The following HIVEP3 variants were observed in gnomAD, a reference collection of about 807,000 sequenced individuals.
HIVEP3 encodes transcription factor HIVEP3.
Under a neutral mutation model 152.8 loss-of-function variants are expected in HIVEP3, and 49 were observed. That is an observed-to-expected ratio of 0.32 (90% CI 0.26 to 0.41). The LOEUF is 0.41. HIVEP3 is among the 10% of genes least tolerant of loss of function. The probability of loss-of-function intolerance (pLI) is 1.00; values close to 1 mark genes in which losing one functional copy is unlikely to be tolerated. For synonymous variants in HIVEP3, 1,269 were observed against 1,289.0 expected (o/e 0.98, Z 0.33); for missense variants, 2,790 against 3,103.3 (o/e 0.90, Z 2.40).
Position 41,962,894 on chromosome 1 carries a change from G to A in HIVEP3, n.120-44370C>T, listed in dbSNP as rs72951203. 7.9e-3 allele frequency among the ~76,000 whole-genome samples: 1,207 copies of A among 152,288 alleles called. 11 individuals are homozygous for A. Among genetic ancestry groups the A allele is most frequent in the African/African-American group, 0.027 (1,113 of 41,548 alleles). On this transcript the variant is annotated intron_variant and non_coding_transcript_variant, in intron 1 of 3. Transcript: ENST00000489103. ...TTTGAACCAGATAATTTTTCATCATGGAGACCCGTCCTGTGCATTGCAGGT... is the reference window on the plus strand; with the variant it reads ...TTTGAACCAGATAATTTTTCATCATAGAGACCCGTCCTGTGCATTGCAGGT...
chr1:41,518,949 G>T (rs1222232923), intron 6 of HIVEP3, among the ~76,000 whole-genome samples: 3 of 152,226 alleles, frequency 2.0e-5, no homozygotes, highest in East Asian at 3.9e-4. Flanking sequence ...GACGGGTGAG[G>T]ACTGAGCATG....
In HIVEP3 at chr1:41,628,957, A is replaced by G. The variant is rs1236029193; in HGVS notation, c.-720-10T>C. 8.1e-7 allele frequency: 1 copy of G among 1,229,686 alleles called. No individual in the cohort carries two copies. The highest frequency in any genetic ancestry group is 4.2e-5 in the Admixed American group (1 of 23,666). The allele number at this position is 1,229,686 out of a possible 1,614,324, so 76.2% of individuals were successfully genotyped here. A position where few individuals can be genotyped will look rare whatever the true frequency, so the allele number is the denominator to read the frequency against. On this transcript the variant is annotated splice_polypyrimidine_tract_variant and intron_variant, in intron 2 of 8. Coordinates refer to ENST00000372583, the MANE Select transcript of HIVEP3 (RefSeq NM_024503.5). ...GTTTGTGCCTCGAATCCTGCAGGAG[A>G]TGATTGAGAAACATGGTCAAAGAAC...
rs1378582306 is a variant in HIVEP3 at position 41,509,748 on chromosome 1, C to T, written c.*703G>A. 1 of 149,546 alleles carries T rather than the reference C, an allele frequency of 6.7e-6. No individual in the cohort carries two copies. The highest frequency in any genetic ancestry group is 2.5e-5 in the African/African-American group (1 of 40,560). The allele number at this position is 149,546 out of a possible 1,614,324, so 9.3% of individuals were successfully genotyped here. On this transcript the variant is annotated 3_prime_UTR_variant, in exon 9 of 9. Coordinates refer to ENST00000372583, the MANE Select transcript of HIVEP3 (RefSeq NM_024503.5). ...AGAGTATCCAGGAGCCCTTGGGGAG[C>T]CAGCCCTCCTCCTTCTACCTGCACC... is the stretch of plus-strand genomic sequence containing the variant.
intron 1 of HIVEP3, among the ~76,000 whole-genome samples, chr1:41,874,260 GA>G (rs1336333508): frequency 2.6e-5 from 4 of 152,196 alleles, no homozygotes; most frequent in Non-Finnish European, 4.4e-5. Context: ...GAGGGGAGAG[GA>G]AATGCATTTA....
At chr1:41,971,761 T>C (rs1333723530) in intron 1 of HIVEP3, among the ~76,000 whole-genome samples, 7 of 152,230 alleles carry the variant, frequency 4.6e-5, no homozygotes, top group Non-Finnish European at 1.0e-4. Flanking sequence ...CCTCCAAAAT[T>C]CATGTTGCAA....
intron 1 of HIVEP3, among the ~76,000 whole-genome samples, chr1:41,943,408 A>G (rs1487976591): frequency 6.6e-6 from 1 of 152,242 alleles, no homozygotes; most frequent in Admixed American, 6.5e-5. Flanking sequence ...TAAATAGAAA[A>G]GAAACAAAGT....
chr1:42,016,577 A>G (rs916175998), intron 1 of HIVEP3, among the ~76,000 whole-genome samples: 2 of 152,094 alleles, frequency 1.3e-5, no homozygotes, highest in Admixed American at 1.3e-4. Context: ...ATTTTTGACT[A>G]TATGTGATCA....
At chr1:41,626,750 C>T (rs1452174636) in intron 3 of HIVEP3, among the ~76,000 whole-genome samples, 10 of 152,084 alleles carry the variant, frequency 6.6e-5, no homozygotes, top group Non-Finnish European at 1.3e-4. Context: ...CCCAGGATGC[C>T]GAGCCAGGGG....
chr1:41,637,294 TACAC>T (rs1645289514), intron 2 of HIVEP3, among the ~76,000 whole-genome samples: 1 of 152,210 alleles, frequency 6.6e-6, no homozygotes, highest in Non-Finnish European at 1.5e-5. Flanking sequence ...TGATGATAAA[TACAC>T]ACAATGGAAT....
At chr1:41,698,913 T>C (rs920269855) in intron 2 of HIVEP3, among the ~76,000 whole-genome samples, 2 of 152,196 alleles carry the variant, frequency 1.3e-5, no homozygotes, top group Admixed American at 6.5e-5. Context: ...GCAAACTTGC[T>C]CTTGTTTGGG....
intron 1 of HIVEP3, among the ~76,000 whole-genome samples, chr1:41,750,651 C>A (rs1396995482): frequency 6.6e-6 from 1 of 151,772 alleles, no homozygotes; most frequent in Non-Finnish European, 1.5e-5. Flanking sequence ...CCTTGAAAAT[C>A]TCTGTAGATT....
At chr1:41,828,455 G>C (rs539241970) in intron 1 of HIVEP3, among the ~76,000 whole-genome samples, 17 of 152,330 alleles carry the variant, frequency 1.1e-4, no homozygotes, top group African/African-American at 3.8e-4. Context: ...CCTTTTGACT[G>C]TTTCCAAAAT....
In HIVEP3 at chr1:41,524,797, C is replaced by T. The variant is rs777598359; in HGVS notation, c.5321G>A (p.Arg1774His). ...ATAGGGCCGGACGTCAGTGTGGGTG[C>T]GGATGTGTTTCTTCAGCATGCTGGG... ...KKPSMLKKHIRTHTDVRPYVC... is the reference protein window; with the variant it reads ...KKPSMLKKHIHTHTDVRPYVC... Residue 1774 changes from arginine to histidine, a missense_variant, in exon 6 of 9, where the codon CGC (arginine) becomes CAC (histidine). Around this residue, in one of 9 missense-constraint regions of HIVEP3, gnomAD observed 57 missense variants for 95.1 expected, o/e 0.60. Coordinates refer to ENST00000372583, the MANE Select transcript of HIVEP3 (RefSeq NM_024503.5). 1.4e-5 allele frequency: 23 copies of T among 1,614,002 alleles called. No homozygotes were observed. Among genetic ancestry groups the T allele is most frequent in the Middle Eastern group, 1.7e-4 (1 of 6,058 alleles).
intron 1 of HIVEP3, among the ~76,000 whole-genome samples, chr1:41,785,194 C>G (rs892842991): frequency 1.1e-4 from 16 of 152,174 alleles, no homozygotes; most frequent in African/African-American, 3.4e-4. Context: ...CTTCTGAGCC[C>G]CTCTTCTCTC....
At chr1:41,745,630 T>C (rs1343382045) in intron 1 of HIVEP3, among the ~76,000 whole-genome samples, 2 of 152,232 alleles carry the variant, frequency 1.3e-5, no homozygotes, top group African/African-American at 4.8e-5. Context: ...CACGTGTCTT[T>C]CCTCGACAGA....
At chr1:41,680,984 C>T (rs1469825825) in intron 2 of HIVEP3, among the ~76,000 whole-genome samples, 2 of 152,132 alleles carry the variant, frequency 1.3e-5, no homozygotes, top group Admixed American at 6.5e-5. Context: ...CAATAATAAT[C>T]CCTGGAGGGG....
chr1:41,750,871 C>G, intron 1 of HIVEP3, among the ~76,000 whole-genome samples: 1 of 152,084 alleles, frequency 6.6e-6, no homozygotes, highest in Admixed American at 6.6e-5. Context: ...TGCACCACCA[C>G]GCCTGGCTAA....
rs367747048 is a variant in HIVEP3, at chr1:41,575,708, G to C, written c.5062-19C>G. ...GGTGAACCTGGCCCACCGCAGGAAT[G>C]ACAAAATCATTGCTGGTTAAAAGTG... On this transcript the variant is annotated intron_variant, in intron 4 of 8. Transcript: ENST00000372583. 1.1e-5 allele frequency: 17 copies of C among 1,612,476 alleles called. No individual in the cohort carries two copies. The African/African-American group carries it at 2.3e-4, about 22-fold the overall frequency.
intron 1 of HIVEP3, among the ~76,000 whole-genome samples, chr1:41,992,400 T>C (rs1401773096): frequency 7.6e-6 from 1 of 131,548 alleles, no homozygotes; most frequent in Admixed American, 7.6e-5. Context: ...CATTCACAAT[T>C]GCTTCAAAGA....
Sources: allele counts gnomAD v4.1 joint callset (sites outside exome capture counted in the v4.1 genomes callset), GRCh38; gene constraint gnomAD v4.1.1; regional missense constraint gnomAD v4.1.1; transcripts MANE v1.5; gene names NCBI Gene and HGNC (gene_info 2026-07-23, HGNC 2026-07-21).